VWDE: variants seen among roughly 807,000 people sequenced by gnomAD.
VWDE encodes the protein von Willebrand factor D and EGF domain-containing protein.
In VWDE, 207 loss-of-function variants were observed where a neutral mutation model predicts 178.4. That is an observed-to-expected ratio of 1.16 (90% CI 1.04 to 1.30). The LOEUF is 1.30. Among genes scored for constraint, VWDE ranks in the 50% most tolerant of loss-of-function variants. The pLI, the probability that VWDE is intolerant of heterozygous loss-of-function variation, is 0.00. For synonymous variants in VWDE, 738 were observed against 651.4 expected (o/e 1.13, Z -2.02); for missense variants, 2,287 against 1,901.3 (o/e 1.20, Z -3.77).
At chr7:12,361,736 T>C (rs1006332252) in intron 13 of VWDE, among the ~76,000 whole-genome samples, 1 of 152,100 alleles carries the variant, frequency 6.6e-6, no homozygotes, top group Non-Finnish European at 1.5e-5. Flanking sequence ...CAATGAATCA[T>C]GCATTTCTTG....
rs1780843119 is a variant in VWDE, at chr7:12,333,445, C to G, written c.4758+20G>C. The G allele has an allele frequency of 6.9e-7, 1 of 1,443,754 alleles. No individual in the cohort carries two copies. Among genetic ancestry groups the G allele is most frequent in the African/African-American group, 1.4e-5 (1 of 70,452 alleles). 89.4% of individuals were successfully genotyped at this position (1,443,754 alleles called of 1,614,324 possible). A position where few individuals can be genotyped will look rare whatever the true frequency, so the allele number is the denominator to read the frequency against. ...AATGTCAATGTCTAATATTTATTTT[C>G]TCTTTAAACTCTGAAATACCTGTAT... On this transcript the variant is annotated intron_variant, in intron 28 of 28. Transcript: ENST00000275358.
At chr7:12,381,896 G>A (rs1783872920) in intron 4 of VWDE, among the ~76,000 whole-genome samples, 1 of 151,810 alleles carries the variant, frequency 6.6e-6, no homozygotes, top group East Asian at 1.9e-4. Flanking sequence ...TGATTAAAAT[G>A]TTTGAATCAA....
intron 10 of VWDE, among the ~76,000 whole-genome samples, chr7:12,372,539 G>A (rs1342256594): frequency 1.3e-5 from 2 of 151,918 alleles, no homozygotes; most frequent in African/African-American, 4.8e-5. Flanking sequence ...AGGAGTAAAG[G>A]AAAAAGAATT....
chr7:12,369,637 C>A lies in VWDE; in HGVS notation c.2669G>T (p.Cys890Phe), dbSNP rs17165906. 190,723 of 1,551,328 alleles carry A rather than the reference C, an allele frequency of 0.12. 12,659 individuals are homozygous for A. The highest frequency in any genetic ancestry group is 0.22 in the East Asian group (8,928 of 40,886). The stretch of plus-strand genomic sequence containing the variant: ...CCCATTGCCGCTGCATAAATTGGGG[C>A]ATTTTAATACTGAGAGAATGTCTTC... ...SIEDILSVLK[C>F]PNLCSGNGQC... The change falls in exon 12 of 29, where the codon TGC becomes TTC. Residue 890 changes from cysteine (C) to phenylalanine (F), a missense_variant. Transcript: ENST00000275358.
chr7:12,393,486 T>A, intron 2 of VWDE, 108 bp downstream of exon 2: 1 of 999,986 alleles, frequency 1.0e-6, no homozygotes, highest in Non-Finnish European at 1.4e-6. Flanking sequence ...CAATACAAAA[T>A]TAAAACAACA....
Position 12,393,596 on chromosome 7 carries a change from C to T in VWDE, c.241G>A (p.Glu81Lys). Reference sequence around the variant, plus strand: ...CAGTACTTAGGGAGTTGACATACCTCAACACATTTGGTTGGCATCTCGGCA... The same window carrying T: ...CAGTACTTAGGGAGTTGACATACCTTAACACATTTGGTTGGCATCTCGGCA... The part of the protein sequence containing the change: ...RPAEMPTKCV[E>K]MNHCGTQAPI... Residue 81 changes from glutamate (E) to lysine (K), a missense_variant and splice_region_variant, in exon 2 of 29, where the codon GAG becomes AAG. Physicochemically the swap from Glu to Lys is moderately conservative, Grantham distance 56. Coordinates refer to ENST00000275358, the MANE Select transcript of VWDE (RefSeq NM_001135924.3). The T allele has an allele frequency of 2.6e-6, 4 of 1,546,076 alleles. No homozygotes were observed. Among genetic ancestry groups the T allele is most frequent in the Non-Finnish European group, 3.5e-6 (4 of 1,144,430 alleles).
Position 12,342,156 on chromosome 7 carries a change from T to G in VWDE, c.4175-2A>C, listed in dbSNP as rs761925669. On this transcript the variant is annotated splice_acceptor_variant, in intron 22 of 28. Coordinates refer to ENST00000275358, the MANE Select transcript of VWDE (RefSeq NM_001135924.3). LOFTEE classifies it high-confidence loss of function. ...TTTCACAGTGCCTGTTACAAACCAC[T>G]GAGATCATAGAATAAAGAGAAAAGA... is the stretch of plus-strand genomic sequence containing the variant. 2 of 1,550,620 alleles carry G rather than the reference T, an allele frequency of 1.3e-6. No homozygotes were observed. Among genetic ancestry groups the G allele is most frequent in the Non-Finnish European group, 1.7e-6 (2 of 1,146,150 alleles).
At chr7:12,332,546 T>A (rs1371500011) in intron 28 of VWDE, among the ~76,000 whole-genome samples, 1 of 152,102 alleles carries the variant, frequency 6.6e-6, no homozygotes, top group Non-Finnish European at 1.5e-5. Flanking sequence ...AAATCTCACA[T>A]CAAATCAAAT....
chr7:12,336,960 T>C (rs1460394578), intron 26 of VWDE, 28 bp downstream of exon 26: 1 of 1,522,494 alleles, frequency 6.6e-7, no homozygotes. Flanking sequence ...GGACGAAAGC[T>C]TCAGTGTTTT....
At chr7:12,357,631 C>A in intron 16 of VWDE, 116 bp from the exon 17 acceptor site, 1 of 1,150,546 alleles carries the variant, frequency 8.7e-7, no homozygotes, top group Non-Finnish European at 1.2e-6. Flanking sequence ...GCTAAAAGGT[C>A]TATTAGCTGC....
intron 4 of VWDE, among the ~76,000 whole-genome samples, chr7:12,382,172 T>C (rs1005669027): frequency 2.0e-5 from 3 of 151,860 alleles, no homozygotes; most frequent in African/African-American, 7.2e-5. Flanking sequence ...GTGTGCAATT[T>C]GCATAGCAGA....
intron 2 of VWDE, among the ~76,000 whole-genome samples, chr7:12,391,762 A>C (rs762041513): frequency 6.6e-6 from 1 of 152,222 alleles, no homozygotes; most frequent in African/African-American, 2.4e-5. Context: ...TTAGTGCTTA[A>C]AAAGGAAAAT....
intron 19 of VWDE, among the ~76,000 whole-genome samples, chr7:12,346,454 AT>A (rs1310714820): frequency 1.3e-5 from 2 of 152,144 alleles, no homozygotes; most frequent in African/African-American, 2.4e-5. Context: ...CAGGAACTAA[AT>A]GTATAAGCAA....
chr7:12,348,468 T>C (rs1442815213), intron 19 of VWDE, among the ~76,000 whole-genome samples: 1 of 23,542 alleles, frequency 4.2e-5, no homozygotes, highest in Non-Finnish European at 7.9e-5. Flanking sequence ...AAAAAATACA[T>C]GAAAAAATGC....
chr7:12,383,611 G>T lies in VWDE; in HGVS notation c.476-10C>A. The T allele has an allele frequency of 3.9e-6, 6 of 1,549,336 alleles. No homozygotes were observed. Among genetic ancestry groups the T allele is most frequent in the Non-Finnish European group, 5.2e-6 (6 of 1,145,108 alleles). ...CGTGCATCAGAAATAGCTGCCAAGGGTTAAGGTTTGTATAATTATTCAGCT... is the reference window on the plus strand; with the variant it reads ...CGTGCATCAGAAATAGCTGCCAAGGTTTAAGGTTTGTATAATTATTCAGCT... On this transcript the variant is annotated splice_polypyrimidine_tract_variant and intron_variant, in intron 3 of 28. Coordinates refer to ENST00000275358, the MANE Select transcript of VWDE (RefSeq NM_001135924.3).
At position 12,374,737 on chromosome 7, in the gene VWDE, G is replaced by C. The variant is rs1336693315; in HGVS notation, c.1268C>G (p.Ala423Gly). 8 of 1,539,772 alleles carry C rather than the reference G, an allele frequency of 5.2e-6. No individual in the cohort carries two copies. Among genetic ancestry groups the C allele is most frequent in the Non-Finnish European group, 7.0e-6 (8 of 1,142,470 alleles). The change falls in exon 9 of 29, where the codon GCT becomes GGT. Residue 423 changes from alanine to glycine, a missense_variant. Coordinates refer to ENST00000275358, the MANE Select transcript of VWDE (RefSeq NM_001135924.3). ...IQIKVKDVPT[A>G]YCYTFTDPHI... ...TGGGTCAGTAAATGTATAGCAGTAA[G>C]CAGTTGGGACATCCTTTACTTTGAT...
intron 19 of VWDE, among the ~76,000 whole-genome samples, chr7:12,347,355 T>C (rs929797136): frequency 6.6e-6 from 1 of 152,150 alleles, no homozygotes; most frequent in Non-Finnish European, 1.5e-5. Flanking sequence ...TGTTAGCAAA[T>C]GTATGTTAGT....
chr7:12,369,533 G>A lies in VWDE; in HGVS notation c.2761+12C>T. The A allele has an allele frequency of 6.6e-7, 1 of 1,505,316 alleles. No homozygotes were observed. The highest frequency in any genetic ancestry group is 2.5e-5 in the East Asian group (1 of 40,246). The allele number at this position is 1,505,316 out of a possible 1,614,324, so 93.2% of individuals were successfully genotyped here. A position where few individuals can be genotyped will look rare whatever the true frequency, so the allele number is the denominator to read the frequency against. Reference sequence around the variant, plus strand: ...TCACATGCAATATCAAACTTTGAGAGTACTTACTTACCATAGGAATCACTG... The same window carrying A: ...TCACATGCAATATCAAACTTTGAGAATACTTACTTACCATAGGAATCACTG... On this transcript the variant is annotated intron_variant, in intron 12 of 28. Coordinates refer to ENST00000275358, the MANE Select transcript of VWDE (RefSeq NM_001135924.3).
intron 6 of VWDE, among the ~76,000 whole-genome samples, chr7:12,379,221 T>C (rs1470927288): frequency 1.3e-5 from 2 of 152,236 alleles, no homozygotes; most frequent in African/African-American, 2.4e-5. Context: ...ATTAGAGGAA[T>C]AGACCTTCTG....
Sources: gnomAD v4.1 joint callset for allele counts (sites outside exome capture counted in the v4.1 genomes callset) on GRCh38, gnomAD v4.1.1 for gene constraint, MANE v1.5 for transcripts, NCBI Gene and HGNC (gene_info 2026-07-23, HGNC 2026-07-21) for gene names.